Variants in ME2 observed in about 807,000 individuals in gnomAD.
ME2 encodes the protein malic enzyme 2.
A neutral mutation model predicts 73.7 loss-of-function variants in ME2; 60 were observed. The ratio of observed to expected loss-of-function variants is 0.81; its 90% CI spans 0.66 to 1.01. ME2 has a LOEUF of 1.01. Among genes scored for constraint, ME2 ranks in the 50% least tolerant of loss-of-function variants. The pLI, the probability that ME2 is intolerant of heterozygous loss-of-function variation, is 0.00. For missense variants in ME2, 594 were observed against 705.5 expected, an observed-to-expected ratio of 0.84 and a Z score of 1.79; for synonymous variants, 199 against 236.9, an observed-to-expected ratio of 0.84 and a Z score of 1.47.
chr18:50,946,507 A>G (rs891970176), intron 15 of ME2, among the ~76,000 whole-genome samples: 2 of 152,252 alleles, frequency 1.3e-5, no homozygotes, highest in Non-Finnish European at 2.9e-5. Flanking sequence ...TGTAAAACAC[A>G]TAGAAAGTGC....
intron 15 of ME2, among the ~76,000 whole-genome samples, chr18:50,943,337 TCA>T (rs1918007221): frequency 6.6e-6 from 1 of 152,132 alleles, no homozygotes; most frequent in South Asian, 2.1e-4. Context: ...TTTTACTCTG[TCA>T]CCCAGGTTGG....
At chr18:50,919,517 C>T (rs942599570) in intron 7 of ME2, among the ~76,000 whole-genome samples, 1 of 152,146 alleles carries the variant, frequency 6.6e-6, no homozygotes, top group African/African-American at 2.4e-5. Context: ...CCATTACCTT[C>T]ACATTGTAAC....
At chr18:50,880,255 T>C (rs1916285010) in intron 1 of ME2, among the ~76,000 whole-genome samples, 2 of 152,164 alleles carry the variant, frequency 1.3e-5, no homozygotes, top group Non-Finnish European at 2.9e-5. Context: ...ACCAGGAAAC[T>C]AAGGTTTAGG....
intron 3 of ME2, among the ~76,000 whole-genome samples, chr18:50,910,268 CAA>C (rs74176794): frequency 7.1e-4 from 25 of 35,274 alleles, no homozygotes; most frequent in African/African-American, 1.1e-3. Flanking sequence ...CCTGTTTCTA[CAA>C]AAAAAAAAAA....
intron 15 of ME2, among the ~76,000 whole-genome samples, chr18:50,942,909 A>G (rs75535109): frequency 0.02 from 3,067 of 152,166 alleles, 93 homozygotes; most frequent in African/African-American, 0.069. Flanking sequence ...TTCTCTAACT[A>G]TAAATCAGCT....
At chr18:50,922,539 A>G (rs1376260030) in intron 10 of ME2, among the ~76,000 whole-genome samples, 1 of 152,214 alleles carries the variant, frequency 6.6e-6, no homozygotes, top group Non-Finnish European at 1.5e-5. Context: ...ACTAGTACAC[A>G]GTTAGTTTGG....
chr18:50,885,945 G>A lies in ME2; in HGVS notation c.-13+6637G>A, dbSNP rs141441170. ...TTGCTATTTAAAGAAGTCCAGTGAA[G>A]AATTCTCTTATATAGCAAATTCTCT... On this transcript the variant is annotated intron_variant, in intron 1 of 15. Coordinates refer to ENST00000321341, the MANE Select transcript of ME2 (RefSeq NM_002396.5). 2.3e-3 allele frequency among the ~76,000 whole-genome samples: 348 copies of A among 152,220 alleles called. 2 individuals carry two copies. Among genetic ancestry groups the A allele is most frequent in the African/African-American group, 8.2e-3 (340 of 41,538 alleles).
chr18:50,904,493 A>G (rs1344148612), intron 2 of ME2, among the ~76,000 whole-genome samples: 3 of 151,964 alleles, frequency 2.0e-5, no homozygotes. Context: ...CATATTGGCC[A>G]GGCTGGTCTC....
At chr18:50,881,696 C>T (rs1033927955) in intron 1 of ME2, among the ~76,000 whole-genome samples, 1 of 152,124 alleles carries the variant, frequency 6.6e-6, no homozygotes, top group Non-Finnish European at 1.5e-5. Flanking sequence ...CTTATAGCCT[C>T]TTATATTAAT....
intron 3 of ME2, among the ~76,000 whole-genome samples, chr18:50,910,366 G>A (rs1917122359): frequency 6.7e-6 from 1 of 149,756 alleles, no homozygotes; most frequent in Admixed American, 6.7e-5. Context: ...TTAAGCCCAG[G>A]AGGTCAAGGC....
Position 50,879,314 on chromosome 18 carries a change from G to GC in ME2, c.-13+9dup, listed in dbSNP as rs1454389477. 1 of 151,924 alleles carries GC rather than the reference G, an allele frequency of 6.6e-6. No individual in the cohort carries two copies. Among genetic ancestry groups the GC allele is most frequent in the South Asian group, 2.1e-4 (1 of 4,830 alleles). The allele number at this position is 151,924 out of a possible 1,614,324, so 9.4% of individuals were successfully genotyped here. A position where few individuals can be genotyped will look rare whatever the true frequency, so the allele number is the denominator to read the frequency against. On this transcript the variant is annotated splice_region_variant and intron_variant, in intron 1 of 15. Coordinates refer to ENST00000321341, the MANE Select transcript of ME2 (RefSeq NM_002396.5). ...GTCGCGGCGCGAGACCTCTGGTAAGGCCCGGCGCGGTGGGGCCCGGGCGGG... is the reference window on the plus strand; with the variant it reads ...GTCGCGGCGCGAGACCTCTGGTAAGGCCCCGGCGCGGTGGGGCCCGGGCGGG...
At chr18:50,900,998 T>G (rs1916876193) in intron 2 of ME2, among the ~76,000 whole-genome samples, 1 of 152,326 alleles carries the variant, frequency 6.6e-6, no homozygotes, top group East Asian at 1.9e-4. Flanking sequence ...TTATTTCAAA[T>G]TTATGTATTA....
intron 2 of ME2, 99 bp from the exon 3 acceptor site, chr18:50,907,964 T>C (rs111638296): frequency 3.3e-6 from 3 of 914,614 alleles, no homozygotes; most frequent in Non-Finnish European, 3.2e-6. Context: ...TAATATGTCA[T>C]TGATTTTTCA....
intron 1 of ME2, among the ~76,000 whole-genome samples, chr18:50,886,718 T>C (rs563262753): frequency 6.6e-6 from 1 of 152,250 alleles, no homozygotes; most frequent in East Asian, 1.9e-4. Context: ...AAACCAAATC[T>C]GGCTGGATGC....
chr18:50,893,124 CAAAAAAAAAAAAA>C (rs56104427), intron 1 of ME2, among the ~76,000 whole-genome samples: 1 of 78,120 alleles, frequency 1.3e-5, no homozygotes, highest in Admixed American at 1.3e-4. Context: ...GACTCTATCT[CAAAAAAAAAAAAA>C]AAAAAAAAAA....
At chr18:50,892,506 A>G (rs1916629104) in intron 1 of ME2, among the ~76,000 whole-genome samples, 1 of 152,254 alleles carries the variant, frequency 6.6e-6, no homozygotes, top group Non-Finnish European at 1.5e-5. Flanking sequence ...GGGTATTTCT[A>G]TCCATATATT....
chr18:50,911,364 C>T (rs1379269292), intron 3 of ME2, among the ~76,000 whole-genome samples: 1 of 152,122 alleles, frequency 6.6e-6, no homozygotes, highest in Admixed American at 6.6e-5. Context: ...CATTTATTCA[C>T]CAAATATTTG....
chr18:50,908,272 C>A, intron 3 of ME2, 76 bp downstream of exon 3: 2 of 1,039,380 alleles, frequency 1.9e-6, no homozygotes, highest in Non-Finnish European at 2.7e-6. Context: ...GTTATTATGG[C>A]ATGAGAAATA....
rs376345159 is a variant in ME2 at position 50,881,376 on chromosome 18, A to G, written c.-13+2068A>G. On this transcript the variant is annotated intron_variant, in intron 1 of 15. Transcript: ENST00000321341. ...TAAAACACAAATAACATTAAAACCT[A>G]TATTTACTAAGGATTAATATTACAG... 4.6e-5 allele frequency among the ~76,000 whole-genome samples: 7 copies of G among 152,296 alleles called. No individual in the cohort carries two copies. In the East Asian group the frequency reaches 7.7e-4, roughly 17 times the overall value.
Sources: allele counts gnomAD v4.1 joint callset (sites outside exome capture counted in the v4.1 genomes callset), GRCh38; gene constraint gnomAD v4.1.1; transcripts MANE v1.5; gene names NCBI Gene and HGNC (gene_info 2026-07-23, HGNC 2026-07-21).